The following SKIC8 variants were observed in gnomAD, a reference collection of about 807,000 sequenced individuals.
SKIC8 encodes SKI8 subunit of superkiller complex, also known as superkiller complex protein 8.
At chr15:78,283,617 C>G in the SKIC8 span, 1 of 949,188 alleles carries the variant, frequency 1.1e-6, no homozygotes. Flanking sequence ...CTGAATCTAC[C>G]AAAACTGAGA....
the SKIC8 span, chr15:78,295,401 CTTTT>C: frequency 5.3e-3 from 2,061 of 392,382 alleles, no homozygotes; most frequent in East Asian, 6.1e-3. Flanking sequence ...CTATTCTGAT[CTTTT>C]TTTTTTTTTT....
At chr15:78,297,259 T>G in the SKIC8 span, among the ~76,000 whole-genome samples, 1 of 152,076 alleles carries the variant, frequency 6.6e-6, no homozygotes, top group East Asian at 1.9e-4. Flanking sequence ...AATATGAGAG[T>G]TGACAAGAAG....
chr15:78,288,447 A>C, the SKIC8 span: 1 of 1,482,796 alleles, frequency 6.7e-7, no homozygotes, highest in East Asian at 2.3e-5. Context: ...CTTCCCACTG[A>C]CAATGCCCCT....
the SKIC8 span, among the ~76,000 whole-genome samples, chr15:78,296,362 T>C: frequency 1.4e-4 from 21 of 151,786 alleles, 1 homozygote; most frequent in Admixed American, 1.1e-3. Context: ...GCTGAAATTG[T>C]GCCACTGAAC....
chr15:78,293,262 A>T, the SKIC8 span: 1 of 1,614,158 alleles, frequency 6.2e-7, no homozygotes, highest in Non-Finnish European at 8.5e-7. Context: ...ACCAAATGGC[A>T]TCATCATGGG....
At chr15:78,293,260 G>C in the SKIC8 span, 2 of 1,613,972 alleles carry the variant, frequency 1.2e-6, no homozygotes, top group Non-Finnish European at 1.7e-6. Context: ...TGACCAAATG[G>C]CATCATCATG....
chr15:78,285,970 A>T, the SKIC8 span: 1 of 1,290,030 alleles, frequency 7.8e-7, no homozygotes, highest in African/African-American at 1.5e-5. Context: ...TTTAAATGTT[A>T]AGGCAATCTA....
the SKIC8 span, chr15:78,295,716 C>T: frequency 3.3e-6 from 5 of 1,533,278 alleles, no homozygotes; most frequent in African/African-American, 5.5e-5. Flanking sequence ...GGACAAAAGG[C>T]CAGACAGCTC....
the SKIC8 span, chr15:78,285,088 C>T: frequency 9.6e-6 from 6 of 623,594 alleles, no homozygotes; most frequent in South Asian, 1.2e-4. Flanking sequence ...CCTCTGCACC[C>T]CAGACTCTGC....
the SKIC8 span, among the ~76,000 whole-genome samples, chr15:78,290,288 A>G: frequency 1.3e-5 from 2 of 152,230 alleles, no homozygotes; most frequent in African/African-American, 4.8e-5. Context: ...TTAAATTTTT[A>G]ATTAAAATAG....
chr15:78,289,702 C>T, the SKIC8 span: 472 of 1,613,952 alleles, frequency 2.9e-4, 2 homozygotes, highest in Non-Finnish European at 3.6e-4. Context: ...TAGGTATTTC[C>T]CATCAGGACT....
chr15:78,287,241 C>G, the SKIC8 span, among the ~76,000 whole-genome samples: 19 of 152,320 alleles, frequency 1.2e-4, no homozygotes, highest in East Asian at 3.3e-3. Flanking sequence ...GGAACTGCTG[C>G]ATTTATACTG....
At chr15:78,295,068 A>G in the SKIC8 span, 1 of 1,452,778 alleles carries the variant, frequency 6.9e-7, no homozygotes. Flanking sequence ...AGACAGAGTC[A>G]CCACAGTGTT....
the SKIC8 span, among the ~76,000 whole-genome samples, chr15:78,297,162 G>A: frequency 1.3e-5 from 2 of 152,114 alleles, no homozygotes; most frequent in Non-Finnish European, 2.9e-5. Flanking sequence ...ATGCTTGGGG[G>A]CTATCTCAAA....
chr15:78,292,551 T>C, the SKIC8 span: 1 of 1,604,700 alleles, frequency 6.2e-7, no homozygotes. Context: ...ACACATTCTA[T>C]CCCTAAAGAT....
At chr15:78,289,215 G>C in the SKIC8 span, among the ~76,000 whole-genome samples, 3 of 152,044 alleles carry the variant, frequency 2.0e-5, no homozygotes, top group Admixed American at 1.3e-4. Context: ...AGGAGTTAGA[G>C]ACCAGTCTGG....
At chr15:78,295,012 A>G in the SKIC8 span, 1 of 1,613,624 alleles carries the variant, frequency 6.2e-7, no homozygotes, top group Non-Finnish European at 8.5e-7. Flanking sequence ...CCATGGTCAG[A>G]TTTCAGATGT....
At chr15:78,289,603 AGAT>A in the SKIC8 span, 1 of 1,580,014 alleles carries the variant, frequency 6.3e-7, no homozygotes, top group Non-Finnish European at 8.7e-7. Flanking sequence ...TGTCAAAATA[AGAT>A]GATGATATAT....
chr15:78,286,014 T>C, the SKIC8 span: 2 of 1,596,272 alleles, frequency 1.3e-6, no homozygotes, highest in South Asian at 1.1e-5. Flanking sequence ...CCCAGCATTT[T>C]AGAAACTGCT....
Sources: gnomAD v4.1 joint callset for allele counts (sites outside exome capture counted in the v4.1 genomes callset) on GRCh38, gnomAD v4.1.1 for gene constraint, MANE v1.5 for transcripts, NCBI Gene and HGNC (gene_info 2026-07-23, HGNC 2026-07-21) for gene names.